Variants in CACNA2D1 observed in about 807,000 individuals in gnomAD.
CACNA2D1 encodes the protein calcium voltage-gated channel auxiliary subunit alpha2delta 1.
In CACNA2D1, 53 loss-of-function variants were observed where a neutral mutation model predicts 171.5. That is an observed-to-expected ratio of 0.31 (90% CI 0.25 to 0.39). CACNA2D1 has a LOEUF of 0.39. Ranked by LOEUF, CACNA2D1 falls within the 10% of genes least tolerant of loss-of-function variation. The pLI is 1.00. For synonymous variants in CACNA2D1, 442 were observed against 443.1 expected, an observed-to-expected ratio of 1.00 and a Z score of 0.03; for missense variants, 903 against 1,299.8, an observed-to-expected ratio of 0.69 and a Z score of 4.69.
At chr7:82,303,755 TA>T (rs1813347298) in intron 3 of CACNA2D1, among the ~76,000 whole-genome samples, 1 of 152,008 alleles carries the variant, frequency 6.6e-6, no homozygotes, top group African/African-American at 2.4e-5. Flanking sequence ...TCCAAAACTA[TA>T]AAATTACTAC....
chr7:82,188,277 G>C (rs1440332200), intron 3 of CACNA2D1, among the ~76,000 whole-genome samples: 1 of 151,966 alleles, frequency 6.6e-6, no homozygotes, highest in Non-Finnish European at 1.5e-5. Flanking sequence ...ATAGACCAAA[G>C]TATACTAAAG....
chr7:81,962,410 GGCAATGACAAGGTCTGA>G lies in CACNA2D1; in HGVS notation c.2836+13_2836+29del. The G allele has an allele frequency of 6.5e-7, 1 of 1,540,046 alleles. No individual in the cohort carries two copies. Among genetic ancestry groups the G allele is most frequent in the Non-Finnish European group, 8.9e-7 (1 of 1,118,150 alleles). The stretch of plus-strand genomic sequence containing the variant: ...CCCAAAAGAAAATTTTTATTGTTAT[GGCAATGACAAGGTCTGA>G]GCATTTACATACCTGCCTCAAGGAG... On this transcript the variant is annotated intron_variant, in intron 35 of 38. Coordinates refer to ENST00000356860, the MANE Select transcript of CACNA2D1 (RefSeq NM_000722.4).
chr7:82,186,639 T>A (rs1004703725), intron 3 of CACNA2D1, among the ~76,000 whole-genome samples: 2 of 152,134 alleles, frequency 1.3e-5, no homozygotes, highest in Admixed American at 6.5e-5. Flanking sequence ...AAACAGCTTT[T>A]AAAAGTTTAT....
chr7:82,428,117 A>AG (rs1829354972), intron 1 of CACNA2D1, among the ~76,000 whole-genome samples: 1 of 151,706 alleles, frequency 6.6e-6, no homozygotes, highest in Admixed American at 6.6e-5. Context: ...TAAAAAAAAA[A>AG]CAAACAAAAA....
intron 12 of CACNA2D1, 132 bp from the exon 13 acceptor site, chr7:82,014,611 G>A: frequency 1.5e-6 from 1 of 663,386 alleles, no homozygotes; most frequent in Non-Finnish European, 2.7e-6. Context: ...ACTGAGGCCA[G>A]TAAAGCCTTC....
intron 11 of CACNA2D1, among the ~76,000 whole-genome samples, chr7:82,036,867 A>C (rs991040153): frequency 1.9e-4 from 29 of 152,156 alleles, no homozygotes; most frequent in Non-Finnish European, 4.4e-5. Context: ...CTGACTTTTT[A>C]CCAGATGTGG....
chr7:82,288,422 TACACAC>T (rs3054677), intron 3 of CACNA2D1, among the ~76,000 whole-genome samples: 51,374 of 147,192 alleles, frequency 0.35, 8,901 homozygotes, highest in Non-Finnish European at 0.37. Context: ...TTTGCTTCTA[TACACAC>T]ACACACACAC....
chr7:82,251,411 C>T lies in CACNA2D1; in HGVS notation c.295-80802G>A, dbSNP rs368576044. On this transcript the variant is annotated intron_variant, in intron 3 of 38. Transcript: ENST00000356860. The stretch of plus-strand genomic sequence containing the variant: ...GTTATACATTGCTGTAGGCTTCTGT[C>T]GAAACTCACTGAATTTCAAACTTAA... Among the ~76,000 whole-genome samples the T allele has an allele frequency of 9.2e-5, 14 of 152,168 alleles. No homozygotes were observed. In the South Asian group the frequency reaches 1.9e-3, roughly 20 times the overall value.
At chr7:82,126,337 T>A (rs1790333799) in intron 5 of CACNA2D1, among the ~76,000 whole-genome samples, 1 of 152,164 alleles carries the variant, frequency 6.6e-6, no homozygotes, top group Non-Finnish European at 1.5e-5. Context: ...CATGTAGAAG[T>A]ATTTGGAAAT....
chr7:82,245,080 T>C (rs764894208), intron 3 of CACNA2D1, among the ~76,000 whole-genome samples: 6 of 152,156 alleles, frequency 3.9e-5, no homozygotes, highest in Non-Finnish European at 2.9e-5. Flanking sequence ...TGGAATAAAA[T>C]AGATGTAGCA....
chr7:82,135,554 T>C (rs1298254430), intron 5 of CACNA2D1, among the ~76,000 whole-genome samples: 3 of 152,144 alleles, frequency 2.0e-5, no homozygotes, highest in Non-Finnish European at 4.4e-5. Context: ...TTAACAGTAT[T>C]GTAGGAACTA....
chr7:81,954,513 T>C (rs1182801426), intron 38 of CACNA2D1, among the ~76,000 whole-genome samples: 1 of 152,052 alleles, frequency 6.6e-6, no homozygotes, highest in Non-Finnish European at 1.5e-5. Context: ...TACCAGTGGC[T>C]AAAATCTTTT....
chr7:82,081,395 G>A (rs1023582863), intron 7 of CACNA2D1, among the ~76,000 whole-genome samples: 20 of 152,184 alleles, frequency 1.3e-4, no homozygotes, highest in Non-Finnish European at 2.5e-4. Context: ...TTAAAGTTAT[G>A]ACATTGTCTC....
At chr7:82,007,810 T>C in intron 15 of CACNA2D1, 54 bp from the exon 16 acceptor site, 3 of 1,038,702 alleles carry the variant, frequency 2.9e-6, no homozygotes, top group Non-Finnish European at 3.0e-6. Flanking sequence ...TTAAGCTTTG[T>C]CAGAGTGCAC....
At chr7:82,320,977 A>T (rs1274877616) in intron 3 of CACNA2D1, among the ~76,000 whole-genome samples, 2 of 152,102 alleles carry the variant, frequency 1.3e-5, no homozygotes, top group African/African-American at 4.8e-5. Context: ...TTATATAAAG[A>T]TTTTATATAA....
chr7:82,194,643 A>T (rs1214379140), intron 3 of CACNA2D1, among the ~76,000 whole-genome samples: 1 of 151,956 alleles, frequency 6.6e-6, no homozygotes, highest in Admixed American at 6.6e-5. Flanking sequence ...TATATATATT[A>T]CGATATATTT....
intron 2 of CACNA2D1, among the ~76,000 whole-genome samples, chr7:82,341,490 T>C (rs1818630011): frequency 6.6e-6 from 1 of 152,210 alleles, no homozygotes; most frequent in Non-Finnish European, 1.5e-5. Flanking sequence ...ATAAAAATTA[T>C]TTAATCATTT....
At chr7:82,112,102 T>A (rs1298147693) in intron 6 of CACNA2D1, among the ~76,000 whole-genome samples, 1 of 152,176 alleles carries the variant, frequency 6.6e-6, no homozygotes, top group Admixed American at 6.5e-5. Context: ...ATATCATTTT[T>A]CATTAACTTT....
intron 3 of CACNA2D1, among the ~76,000 whole-genome samples, chr7:82,267,073 A>G (rs1807962332): frequency 6.6e-6 from 1 of 152,202 alleles, no homozygotes; most frequent in Non-Finnish European, 1.5e-5. Flanking sequence ...GAAGTTTTCA[A>G]TGAATGTGTA....
Sources: allele counts gnomAD v4.1 joint callset (sites outside exome capture counted in the v4.1 genomes callset), GRCh38; gene constraint gnomAD v4.1.1; transcripts MANE v1.5; gene names NCBI Gene and HGNC (gene_info 2026-07-23, HGNC 2026-07-21).